NT5C2: variants seen among roughly 807,000 people sequenced by gnomAD.
The protein encoded by NT5C2 is cytosolic purine 5'-nucleotidase.
NT5C2 carries 58 observed loss-of-function variants against 76.1 expected under a neutral mutation model. That is an observed-to-expected ratio of 0.76 (90% CI 0.62 to 0.95). The LOEUF is 0.95. NT5C2 is among the 40% of genes least tolerant of loss of function. NT5C2 has a pLI of 0.00. For missense variants in NT5C2, 478 were observed against 690.3 expected, an observed-to-expected ratio of 0.69 and a Z score of 3.45; for synonymous variants, 229 against 237.4, an observed-to-expected ratio of 0.96 and a Z score of 0.32.
chr10:103,141,930 C>A (rs2080499388), intron 3 of NT5C2, among the ~76,000 whole-genome samples: 1 of 152,042 alleles, frequency 6.6e-6, no homozygotes, highest in African/African-American at 2.4e-5. Context: ...GGAGAGAGTA[C>A]CAGTTGTTTA....
chr10:103,184,826 G>A (rs763759716), intron 1 of NT5C2, among the ~76,000 whole-genome samples: 5 of 152,144 alleles, frequency 3.3e-5, no homozygotes, highest in Non-Finnish European at 7.4e-5. Context: ...CTTGTTCTCC[G>A]AAGGAAAAAT....
At chr10:103,122,885 C>T (rs983751358) in intron 4 of NT5C2, among the ~76,000 whole-genome samples, 1 of 152,106 alleles carries the variant, frequency 6.6e-6, no homozygotes, top group South Asian at 2.1e-4. Context: ...TACAACTATC[C>T]ACTTCTTTAT....
intron 1 of NT5C2, among the ~76,000 whole-genome samples, chr10:103,188,465 G>C (rs2092310181): frequency 6.6e-6 from 1 of 152,188 alleles, no homozygotes; most frequent in African/African-American, 2.4e-5. Context: ...AGAATATAGA[G>C]ATGAACAGCC....
intron 3 of NT5C2, among the ~76,000 whole-genome samples, chr10:103,156,143 AGAGT>A (rs2083319169): frequency 6.6e-6 from 1 of 152,238 alleles, no homozygotes; most frequent in East Asian, 1.9e-4. Flanking sequence ...CCTGAGCAAC[AGAGT>A]GAGACTCCAT....
At position 103,133,929 on chromosome 10, in the gene NT5C2, C is replaced by T. The variant is rs1255273753; in HGVS notation, c.175+5477G>A. ...TATATTTTAGCAAAGAGACTGGTGGCATTTTGCCCCTACCCTAGAGATTTG... is the reference window on the plus strand; with the variant it reads ...TATATTTTAGCAAAGAGACTGGTGGTATTTTGCCCCTACCCTAGAGATTTG... On this transcript the variant is annotated intron_variant, in intron 4 of 18. Transcript: ENST00000404739. 2.0e-5 allele frequency among the ~76,000 whole-genome samples: 3 copies of T among 152,154 alleles called. No individual in the cohort carries two copies. The East Asian group carries it at 5.8e-4, about 29-fold the overall frequency.
intron 3 of NT5C2, chr10:103,153,329 T>G: frequency 7.8e-7 from 1 of 1,281,998 alleles, no homozygotes; most frequent in South Asian, 1.3e-5. Context: ...TTCCTCTGGA[T>G]GAGAATACAG....
intron 4 of NT5C2, among the ~76,000 whole-genome samples, chr10:103,123,852 G>GT (rs549739744): frequency 4.2e-4 from 64 of 151,522 alleles, no homozygotes; most frequent in Admixed American, 2.6e-3. Flanking sequence ...GAAATTGGGG[G>GT]GGGAAAAAAA....
At position 103,124,370 on chromosome 10, in the gene NT5C2, T is replaced by A. The variant is rs528671477; in HGVS notation, c.175+15036A>T. Among the ~76,000 whole-genome samples the A allele has an allele frequency of 3.3e-5, 5 of 152,304 alleles. No individual in the cohort carries two copies. The East Asian group carries it at 9.6e-4, about 29-fold the overall frequency. ...AACTTTCTATTAAGTTCATGATCATTTGCAATACTTAAACACACAGAAAAG... is the reference window on the plus strand; with the variant it reads ...AACTTTCTATTAAGTTCATGATCATATGCAATACTTAAACACACAGAAAAG... On this transcript the variant is annotated intron_variant, in intron 4 of 18. Coordinates refer to ENST00000404739, the MANE Select transcript of NT5C2 (RefSeq NM_001351169.2).
At chr10:103,156,010 T>C (rs1208659148) in intron 3 of NT5C2, among the ~76,000 whole-genome samples, 1 of 151,796 alleles carries the variant, frequency 6.6e-6, no homozygotes, top group Admixed American at 6.6e-5. Context: ...AAAAAAAAAT[T>C]TAAAAATTAG....
intron 3 of NT5C2, among the ~76,000 whole-genome samples, chr10:103,150,651 ACAGT>A (rs1362125107): frequency 6.6e-6 from 1 of 152,196 alleles, no homozygotes; most frequent in Non-Finnish European, 1.5e-5. Flanking sequence ...CCATTGCTCC[ACAGT>A]CAGTGTTTTT....
chr10:103,121,570 A>G (rs1442582880), intron 4 of NT5C2, among the ~76,000 whole-genome samples: 1 of 152,162 alleles, frequency 6.6e-6, no homozygotes, highest in Non-Finnish European at 1.5e-5. Flanking sequence ...TGCATCTACT[A>G]TGTTCGAGAG....
intron 5 of NT5C2, 43 bp from the exon 6 acceptor site, chr10:103,105,844 A>G (rs1438654890): frequency 4.5e-6 from 6 of 1,338,510 alleles, no homozygotes; most frequent in Non-Finnish European, 6.4e-6. Flanking sequence ...AAAGTAATAC[A>G]GGCAATAATT....
At chr10:103,139,622 T>A (rs1332034851) in intron 3 of NT5C2, 143 bp from the exon 4 acceptor site, 2 of 588,434 alleles carry the variant, frequency 3.4e-6, no homozygotes, top group Non-Finnish European at 5.9e-6. Flanking sequence ...TATTAAGATG[T>A]ATAACACGAC....
chr10:103,121,329 T>A (rs369324107), intron 4 of NT5C2, among the ~76,000 whole-genome samples: 1 of 152,366 alleles, frequency 6.6e-6, no homozygotes, highest in African/African-American at 2.4e-5. Flanking sequence ...GGACTTGAGA[T>A]GCCTGTAGTG....
At chr10:103,111,107 C>T (rs957211590) in intron 4 of NT5C2, among the ~76,000 whole-genome samples, 5 of 152,208 alleles carry the variant, frequency 3.3e-5, no homozygotes, top group African/African-American at 1.2e-4. Flanking sequence ...ATTTCAATTT[C>T]TCTCCCACAA....
At chr10:103,091,901 G>A (rs1343475568) in intron 15 of NT5C2, among the ~76,000 whole-genome samples, 1 of 152,156 alleles carries the variant, frequency 6.6e-6, no homozygotes, top group Non-Finnish European at 1.5e-5. Context: ...TTCTGAGCTT[G>A]TAAAGTACCA....
intron 4 of NT5C2, among the ~76,000 whole-genome samples, chr10:103,135,850 C>T (rs113103911): frequency 4.6e-5 from 7 of 151,810 alleles, no homozygotes; most frequent in African/African-American, 9.7e-5. Flanking sequence ...TTTGGGAGGC[C>T]GAGGCAGGTG....
chr10:103,189,604 C>CA lies in NT5C2; in HGVS notation c.-169+3631dup, dbSNP rs1179878587. Reference sequence around the variant, plus strand: ...CTGGCGACAGAGCGAGACTCCATCTCAAAAAAAAAAACGAAAAAAAAAACA... The same window carrying CA: ...CTGGCGACAGAGCGAGACTCCATCTCAAAAAAAAAAAACGAAAAAAAAAACA... On this transcript the variant is annotated intron_variant, in intron 1 of 18. Coordinates refer to ENST00000404739, the MANE Select transcript of NT5C2 (RefSeq NM_001351169.2). Among the ~76,000 whole-genome samples the CA allele has an allele frequency of 3.0e-3, 246 of 82,286 alleles. 2 individuals are homozygous for CA. Among genetic ancestry groups the CA allele is most frequent in the Middle Eastern group, 0.026 (3 of 116 alleles). 54.0% of individuals were successfully genotyped at this position (82,286 alleles called of 152,430 possible). A position where few individuals can be genotyped will look rare whatever the true frequency, so the allele number is the denominator to read the frequency against.
rs1564894113 is a variant in NT5C2 at position 103,089,687 on chromosome 10, CTCCTCCTCT to C, written c.1662_1670del (p.Glu557_Glu559del). 1.8e-5 allele frequency: 29 copies of C among 1,606,550 alleles called. No individual in the cohort carries two copies. The highest frequency in any genetic ancestry group is 2.2e-5 in the East Asian group (1 of 44,820). ...GTTTTCCTCCTTATTCTTCCTCCTC[CTCCTCCTCT>C]TCATCATCATCTTCGTCATGGCAGT... On this transcript the variant is annotated inframe_deletion, in exon 19 of 19. Transcript: ENST00000404739.
Sources: gnomAD v4.1 joint callset for allele counts (sites outside exome capture counted in the v4.1 genomes callset) on GRCh38, gnomAD v4.1.1 for gene constraint, MANE v1.5 for transcripts, NCBI Gene and HGNC (gene_info 2026-07-23, HGNC 2026-07-21) for gene names.